Variants in FRMD4A observed in about 807,000 individuals in gnomAD.
FRMD4A encodes FERM domain-containing protein 4A.
FRMD4A carries 29 observed loss-of-function variants against 129.1 expected under a neutral mutation model. The observed-to-expected ratio is 0.22, with a 90% confidence interval of 0.17 to 0.31. FRMD4A has a LOEUF of 0.31. Among genes scored for constraint, FRMD4A ranks in the 10% least tolerant of loss-of-function variants. The pLI, the probability that FRMD4A is intolerant of heterozygous loss-of-function variation, is 1.00. For missense variants in FRMD4A, 1,272 were observed against 1,375.8 expected (o/e 0.92, Z 1.19); for synonymous variants, 634 against 571.6 (o/e 1.11, Z -1.56).
At chr10:13,887,675 C>CA (rs2094640540) in intron 2 of FRMD4A, among the ~76,000 whole-genome samples, 1 of 152,226 alleles carries the variant, frequency 6.6e-6, no homozygotes, top group Non-Finnish European at 1.5e-5. Context: ...AAAACAAAAC[C>CA]AAAACAAAAA....
At chr10:14,077,028 G>A (rs1044341544) in intron 2 of FRMD4A, among the ~76,000 whole-genome samples, 4 of 152,282 alleles carry the variant, frequency 2.6e-5, no homozygotes, top group South Asian at 2.1e-4. Context: ...TGGGGGTTTT[G>A]CCCTTTGAGC....
chr10:14,053,937 C>G (rs61045183), intron 2 of FRMD4A, among the ~76,000 whole-genome samples: 1 of 152,250 alleles, frequency 6.6e-6, no homozygotes, highest in African/African-American at 2.4e-5. Flanking sequence ...AGCCCAGGAG[C>G]TCCAGGCTGC....
intron 16 of FRMD4A, among the ~76,000 whole-genome samples, chr10:13,673,588 G>A (rs59495064): frequency 0.12 from 17,114 of 147,714 alleles, 1,466 homozygotes; most frequent in African/African-American, 0.25. Context: ...GTGCGCGCGC[G>A]CACACACACA....
rs532066880 is a variant in FRMD4A at position 14,175,502 on chromosome 10, C to T, written c.45+154556G>A. Among the ~76,000 whole-genome samples the T allele has an allele frequency of 6.7e-5, 10 of 149,216 alleles. No homozygotes were observed. In the South Asian group the frequency reaches 8.6e-4, roughly 13 times the overall value. On this transcript the variant is annotated intron_variant, in intron 2 of 24. Transcript: ENST00000357447. ...TCTATCACCTCTTGATCACCTCCTT[C>T]GTAGTCTCCAGTTTGCTTCCTTTTT...
intron 15 of FRMD4A, among the ~76,000 whole-genome samples, chr10:13,682,494 TTTC>T (rs1329916536): frequency 0.34 from 39,498 of 115,886 alleles, 6,907 homozygotes; most frequent in Non-Finnish European, 0.45. Flanking sequence ...ATTTTCTTTC[TTTC>T]TTTTTTTTTT....
At chr10:13,652,260 C>G in intron 23 of FRMD4A, 1 of 467,834 alleles carries the variant, frequency 2.1e-6, no homozygotes, top group Non-Finnish European at 3.9e-6. Context: ...TGCTGTTTTT[C>G]AAATTTGGCT....
intron 2 of FRMD4A, among the ~76,000 whole-genome samples, chr10:14,101,107 G>A (rs1837277863): frequency 6.6e-6 from 1 of 152,116 alleles, no homozygotes; most frequent in Non-Finnish European, 1.5e-5. Context: ...TCTATTATAT[G>A]TTTTACCTTT....
chr10:14,137,960 G>A lies in FRMD4A; in HGVS notation c.45+192098C>T, dbSNP rs1297229433. Among the ~76,000 whole-genome samples, 3 of 152,068 alleles carry A rather than the reference G, an allele frequency of 2.0e-5. 1 individual carries two copies. Among genetic ancestry groups the A allele is most frequent in the Admixed American group, 2.0e-4 (3 of 15,262 alleles). On this transcript the variant is annotated intron_variant, in intron 2 of 24. Coordinates refer to ENST00000357447, the MANE Select transcript of FRMD4A (RefSeq NM_018027.5). Reference sequence around the variant, plus strand: ...AACATACTTTGAACAGAGCTGCTCTGCAATCACCCTGCCAATAAGCAAGTG... The same window carrying A: ...AACATACTTTGAACAGAGCTGCTCTACAATCACCCTGCCAATAAGCAAGTG...
intron 3 of FRMD4A, among the ~76,000 whole-genome samples, chr10:13,811,670 C>A (rs1271979566): frequency 6.6e-6 from 1 of 151,948 alleles, no homozygotes; most frequent in Non-Finnish European, 1.5e-5. Context: ...TGTTATTCAC[C>A]TTGGTCTGTT....
chr10:13,935,514 A>G (rs1350979410), intron 2 of FRMD4A, among the ~76,000 whole-genome samples: 1 of 150,322 alleles, frequency 6.7e-6, no homozygotes, highest in African/African-American at 2.4e-5. Flanking sequence ...AGAAAATCCC[A>G]GGACAATCTG....
chr10:14,242,567 G>A (rs11258974), intron 2 of FRMD4A, among the ~76,000 whole-genome samples: 6,673 of 152,278 alleles, frequency 0.044, 184 homozygotes, highest in South Asian at 0.12. Context: ...ATTGTTCTTT[G>A]TAAGGATTTA....
chr10:13,844,871 A>G (rs1375446990), intron 3 of FRMD4A, among the ~76,000 whole-genome samples: 1 of 152,204 alleles, frequency 6.6e-6, no homozygotes, highest in Non-Finnish European at 1.5e-5. Context: ...GTCTCTAGGA[A>G]GGATACAGCC....
At chr10:13,744,064 C>T (rs1253594053) in intron 9 of FRMD4A, among the ~76,000 whole-genome samples, 2 of 152,114 alleles carry the variant, frequency 1.3e-5, no homozygotes, top group African/African-American at 4.8e-5. Flanking sequence ...AATGACCTCT[C>T]AGCAGACAAG....
intron 12 of FRMD4A, among the ~76,000 whole-genome samples, chr10:13,727,390 A>G (rs1183630666): frequency 6.6e-6 from 1 of 151,842 alleles, no homozygotes; most frequent in Non-Finnish European, 1.5e-5. Context: ...CAAGGTCACC[A>G]CCCTCTTGCC....
chr10:14,268,287 C>G (rs1472537090), intron 2 of FRMD4A, among the ~76,000 whole-genome samples: 1 of 152,162 alleles, frequency 6.6e-6, no homozygotes, highest in African/African-American at 2.4e-5. Flanking sequence ...ATAAATGTTA[C>G]GTAGCAAAAG....
intron 2 of FRMD4A, among the ~76,000 whole-genome samples, chr10:14,058,380 T>A (rs185111406): frequency 1.4e-4 from 21 of 152,360 alleles, no homozygotes; most frequent in Non-Finnish European, 2.9e-4. Flanking sequence ...CTAGAATTTT[T>A]TTCCCAATTA....
chr10:13,809,556 C>T (rs1008418337), intron 4 of FRMD4A, among the ~76,000 whole-genome samples: 1 of 152,130 alleles, frequency 6.6e-6, no homozygotes, highest in Admixed American at 6.6e-5. Context: ...CCCGCACAGC[C>T]CTGAACCTTT....
chr10:13,699,639 G>A (rs1000184152), intron 14 of FRMD4A, among the ~76,000 whole-genome samples: 1 of 152,096 alleles, frequency 6.6e-6, no homozygotes, highest in Non-Finnish European at 1.5e-5. Context: ...GTGCGTGGGG[G>A]GTCTGCCGTC....
rs529667597 is a variant in FRMD4A, at chr10:13,846,536, A to G, written c.111+12311T>C. 2.0e-5 allele frequency among the ~76,000 whole-genome samples: 3 copies of G among 152,354 alleles called. No homozygotes were observed. The East Asian group carries it at 5.8e-4, about 29-fold the overall frequency. On this transcript the variant is annotated intron_variant, in intron 3 of 24. Transcript: ENST00000357447. ...AAAGAAGTTTGAGAATCGTTGGTCTACAAGACTCTATAGTAGGGTCACATG... is the reference window on the plus strand; with the variant it reads ...AAAGAAGTTTGAGAATCGTTGGTCTGCAAGACTCTATAGTAGGGTCACATG...
Sources: allele counts gnomAD v4.1 joint callset (sites outside exome capture counted in the v4.1 genomes callset), GRCh38; gene constraint gnomAD v4.1.1; transcripts MANE v1.5; gene names NCBI Gene and HGNC (gene_info 2026-07-23, HGNC 2026-07-21).